EIF3E: variants seen among roughly 807,000 people sequenced by gnomAD.
EIF3E encodes the protein eIF-3 p48.
Under a neutral mutation model 59.3 loss-of-function variants are expected in EIF3E, and 25 were observed. The observed-to-expected ratio is 0.42, with a 90% confidence interval of 0.31 to 0.59. The LOEUF is 0.59. Among genes scored for constraint, EIF3E ranks in the 20% least tolerant of loss-of-function variants. The pLI is 0.15. For synonymous variants in EIF3E, 176 were observed against 170.2 expected (o/e 1.03, Z -0.26); for missense variants, 317 against 534.3 (o/e 0.59, Z 4.01).
chr8:108,229,650 T>C (rs1586203865), intron 5 of EIF3E, among the ~76,000 whole-genome samples: 1 of 152,116 alleles, frequency 6.6e-6, no homozygotes. Context: ...TTCCAAATTA[T>C]GACACAAATG....
At chr8:108,248,380 T>C (rs1815989724) in intron 1 of EIF3E, among the ~76,000 whole-genome samples, 1 of 152,106 alleles carries the variant, frequency 6.6e-6, no homozygotes, top group East Asian at 1.9e-4. Flanking sequence ...CCTCAGTAAG[T>C]GAAAGAGACT....
At chr8:108,245,180 T>A (rs1191208020) in intron 1 of EIF3E, among the ~76,000 whole-genome samples, 3 of 145,942 alleles carry the variant, frequency 2.1e-5, no homozygotes, top group Admixed American at 1.4e-4. Context: ...ATAAAAAACA[T>A]TTAGAGCCAA....
chr8:108,224,272 C>G (rs530322841), intron 7 of EIF3E, among the ~76,000 whole-genome samples: 1 of 151,404 alleles, frequency 6.6e-6, no homozygotes, highest in Non-Finnish European at 1.5e-5. Context: ...TTACAATCTA[C>G]ATATAATATC....
chr8:108,226,828 C>T (rs1226583963), intron 7 of EIF3E, among the ~76,000 whole-genome samples: 2 of 152,172 alleles, frequency 1.3e-5, no homozygotes, highest in South Asian at 4.1e-4. Context: ...ATGATTCCTC[C>T]CTCAGTTAAC....
At chr8:108,236,454 A>C (rs1815730899) in intron 3 of EIF3E, among the ~76,000 whole-genome samples, 1 of 152,238 alleles carries the variant, frequency 6.6e-6, no homozygotes, top group Non-Finnish European at 1.5e-5. Context: ...GTTTCACCAC[A>C]ACTAAGGTAA....
intron 2 of EIF3E, 42 bp from the exon 3 acceptor site, chr8:108,240,117 T>C (rs375448994): frequency 4.9e-5 from 73 of 1,495,992 alleles, no homozygotes; most frequent in Non-Finnish European, 6.4e-5. Context: ...TTAAGGAATG[T>C]TAAATTGTGC....
chr8:108,215,598 AC>A (rs1403229629), intron 9 of EIF3E, among the ~76,000 whole-genome samples: 1 of 152,140 alleles, frequency 6.6e-6, no homozygotes, highest in Non-Finnish European at 1.5e-5. Context: ...AGCCTCGGCA[AC>A]AGAGTGAGAC....
chr8:108,203,307 A>T, intron 11 of EIF3E, 94 bp downstream of exon 11: 1 of 1,322,838 alleles, frequency 7.6e-7, no homozygotes, highest in Non-Finnish European at 1.0e-6. Flanking sequence ...AACAAAATAA[A>T]TTATTAAAGG....
chr8:108,244,524 TG>T (rs905483416), intron 1 of EIF3E, among the ~76,000 whole-genome samples: 3 of 152,310 alleles, frequency 2.0e-5, no homozygotes, highest in Admixed American at 6.5e-5. Context: ...ATTTTCATCA[TG>T]TATCTCATCT....
chr8:108,231,601 G>A (rs1031412577), intron 5 of EIF3E, among the ~76,000 whole-genome samples: 2 of 152,080 alleles, frequency 1.3e-5, no homozygotes, highest in African/African-American at 4.8e-5. Context: ...ATTTCAAAGA[G>A]CTGCTGAATA....
At chr8:108,240,677 T>C (rs1189214117) in intron 2 of EIF3E, among the ~76,000 whole-genome samples, 1 of 152,158 alleles carries the variant, frequency 6.6e-6, no homozygotes, top group African/African-American at 2.4e-5. Context: ...CACCTTAATG[T>C]TTCATTAAGA....
At chr8:108,204,547 A>C (rs951079299) in intron 10 of EIF3E, among the ~76,000 whole-genome samples, 1 of 151,896 alleles carries the variant, frequency 6.6e-6, no homozygotes, top group African/African-American at 2.4e-5. Flanking sequence ...CCATGTAACG[A>C]AACACCACGT....
chr8:108,239,987 T>C lies in EIF3E; in HGVS notation c.294A>G (p.Pro98=), dbSNP rs749061148. The change falls in exon 3 of 13, where the codon CCA becomes CCG. Residue 98 remains proline (P), a synonymous_variant. Transcript: ENST00000220849. ...TEPIVKMFED[P]ETTRQMQSTR... Reference sequence around the variant, plus strand: ...TTGACTGCATTTGCCTTGTAGTTTCTGGATCTTCAAACATCTTCACAATTG... The same window carrying C: ...TTGACTGCATTTGCCTTGTAGTTTCCGGATCTTCAAACATCTTCACAATTG... 9 of 1,613,946 alleles carry C rather than the reference T, an allele frequency of 5.6e-6. No individual in the cohort carries two copies. The highest frequency in any genetic ancestry group is 7.6e-6 in the Non-Finnish European group (9 of 1,179,962).
At chr8:108,224,304 A>G (rs953394914) in intron 7 of EIF3E, among the ~76,000 whole-genome samples, 1 of 151,530 alleles carries the variant, frequency 6.6e-6, no homozygotes, top group African/African-American at 2.4e-5. Flanking sequence ...CAATCAACCA[A>G]CTACCTACTG....
intron 2 of EIF3E, among the ~76,000 whole-genome samples, chr8:108,240,814 T>C (rs532944190): frequency 8.5e-5 from 13 of 152,208 alleles, no homozygotes; most frequent in South Asian, 2.1e-4. Context: ...ACCCCGTCTC[T>C]ACTAAAAATA....
intron 3 of EIF3E, among the ~76,000 whole-genome samples, chr8:108,237,841 G>T (rs144922335): frequency 2.0e-5 from 3 of 152,080 alleles, no homozygotes; most frequent in African/African-American, 4.8e-5. Flanking sequence ...GATTATTTCC[G>T]GGAAAGTGTA....
intron 10 of EIF3E, among the ~76,000 whole-genome samples, chr8:108,204,750 G>C (rs511977): frequency 1.0e-3 from 105 of 100,218 alleles, no homozygotes; most frequent in African/African-American, 3.7e-3. Context: ...TATATATAGA[G>C]AGAGAGAGAG....
intron 10 of EIF3E, among the ~76,000 whole-genome samples, chr8:108,212,038 C>A (rs1317980259): frequency 6.6e-6 from 1 of 152,140 alleles, no homozygotes; most frequent in Non-Finnish European, 1.5e-5. Context: ...ATGTCAGATA[C>A]CTTTAGTACA....
intron 5 of EIF3E, among the ~76,000 whole-genome samples, chr8:108,234,031 G>GATAT (rs1815677685): frequency 6.6e-6 from 1 of 151,832 alleles, no homozygotes; most frequent in Non-Finnish European, 1.5e-5. Flanking sequence ...TTGAAGGCCT[G>GATAT]ATATATATTT....
Sources: gnomAD v4.1 joint callset for allele counts (sites outside exome capture counted in the v4.1 genomes callset) on GRCh38, gnomAD v4.1.1 for gene constraint, MANE v1.5 for transcripts, NCBI Gene and HGNC (gene_info 2026-07-23, HGNC 2026-07-21) for gene names.